The following HTRA1 variants were observed in gnomAD, a reference collection of about 807,000 sequenced individuals.
HTRA1 encodes the protein serine protease HTRA1.
Under a neutral mutation model 49.7 loss-of-function variants are expected in HTRA1, and 26 were observed. The ratio of observed to expected loss-of-function variants is 0.52; its 90% CI spans 0.38 to 0.73. The LOEUF is 0.73. Among genes scored for constraint, HTRA1 ranks in the 30% least tolerant of loss-of-function variants. HTRA1 has a pLI of 0.00. For synonymous variants in HTRA1, 291 were observed against 286.9 expected (o/e 1.01, Z -0.14); for missense variants, 561 against 667.2 (o/e 0.84, Z 1.75).
intron 1 of HTRA1, among the ~76,000 whole-genome samples, chr10:122,473,017 C>T (rs908298409): frequency 1.3e-5 from 2 of 152,202 alleles, no homozygotes; most frequent in African/African-American, 4.8e-5. Context: ...ATCAATCCTT[C>T]AGGAATAATG....
At chr10:122,488,498 G>T (rs1264065967) in intron 1 of HTRA1, among the ~76,000 whole-genome samples, 6 of 152,142 alleles carry the variant, frequency 3.9e-5, no homozygotes, top group Admixed American at 1.3e-4. Context: ...AGAGGTGGAG[G>T]TTGTGATGAG....
chr10:122,501,176 G>A (rs377716288), intron 3 of HTRA1, among the ~76,000 whole-genome samples: 105 of 152,280 alleles, frequency 6.9e-4, no homozygotes, highest in Middle Eastern at 3.4e-3. Flanking sequence ...GTGGTGGGTC[G>A]TGAAGGCTGC....
chr10:122,506,917 G>A lies in HTRA1; in HGVS notation c.972+32G>A. On this transcript the variant is annotated intron_variant, in intron 4 of 8. Coordinates refer to ENST00000368984, the MANE Select transcript of HTRA1 (RefSeq NM_002775.5). This position sits in a 1 kb window ranked among gnomAD's most constrained non-coding sequence, Gnocchi z 5.2. ...CTCTGTCCCTCTGCGGGTGGGGATTGGGGCAGAGTTTTGCCAGGGGGAGAG... is the reference window on the plus strand; with the variant it reads ...CTCTGTCCCTCTGCGGGTGGGGATTAGGGCAGAGTTTTGCCAGGGGGAGAG... 1 of 1,600,424 alleles carries A rather than the reference G, an allele frequency of 6.2e-7. No individual in the cohort carries two copies. The highest frequency in any genetic ancestry group is 8.5e-7 in the Non-Finnish European group (1 of 1,169,706).
rs1046940817 is a variant in HTRA1 at position 122,506,140 on chromosome 10, C to T, written c.778-551C>T. ...CATCCCTGCCCCTGACCAGTGTGGCCCTGTACTCAGCATAGGCGTGCACCT... is the reference window on the plus strand; with the variant it reads ...CATCCCTGCCCCTGACCAGTGTGGCTCTGTACTCAGCATAGGCGTGCACCT... On this transcript the variant is annotated intron_variant, in intron 3 of 8. Transcript: ENST00000368984. This position sits in a 1 kb window ranked among gnomAD's most constrained non-coding sequence, Gnocchi z 5.2. 7.6e-5 allele frequency among the ~76,000 whole-genome samples: 6 copies of T among 79,314 alleles called. No individual in the cohort carries two copies. The highest frequency in any genetic ancestry group is 1.4e-4 in the Admixed American group (1 of 7,200). The allele number at this position is 79,314 out of a possible 152,430, so 52.0% of individuals were successfully genotyped here.
At chr10:122,507,324 A>T (rs1213767051) in intron 4 of HTRA1, 46 bp from the exon 5 acceptor site, 7 of 1,551,154 alleles carry the variant, frequency 4.5e-6, no homozygotes, top group Non-Finnish European at 6.2e-6. Context: ...AGATTGAACC[A>T]TGTTATGACA....
chr10:122,509,379 A>C (rs1474382239), intron 6 of HTRA1, among the ~76,000 whole-genome samples: 1 of 152,202 alleles, frequency 6.6e-6, no homozygotes, highest in Non-Finnish European at 1.5e-5. Flanking sequence ...TGTGGCCAGG[A>C]AATGCCTTCC....
intron 1 of HTRA1, among the ~76,000 whole-genome samples, chr10:122,476,209 G>A (rs1339101237): frequency 1.3e-5 from 2 of 152,194 alleles, no homozygotes; most frequent in African/African-American, 2.4e-5. Flanking sequence ...GCAGTTCACG[G>A]CTCAGTTAAA....
chr10:122,510,104 A>G lies in HTRA1; in HGVS notation c.1129A>G (p.Ile377Val). Residue 377 changes from isoleucine (I) to valine (V), a missense_variant, in exon 7 of 9, where the codon ATC (isoleucine) becomes GTC (valine). By Grantham distance (29) the Ile-to-Val change is conservative (BLOSUM62 3). Around this residue, in one of 3 missense-constraint regions of HTRA1, gnomAD observed 179 missense variants for 173.4 expected, o/e 1.03. Coordinates refer to ENST00000368984, the MANE Select transcript of HTRA1 (RefSeq NM_002775.5). ...SHDRQAKGKA[I>V]TKKKYIGIRM... ...CTTTGTTGTCTCACCAGGAAAAGCC[A>G]TCACCAAGAAGAAGTATATTGGTAT... 1 of 1,614,046 alleles carries G rather than the reference A, an allele frequency of 6.2e-7. No individual in the cohort carries two copies. The highest frequency in any genetic ancestry group is 1.7e-5 in the Admixed American group (1 of 60,024).
In HTRA1 at chr10:122,486,739, C is replaced by A. The variant is rs535024470; in HGVS notation, c.473-2163C>A. ...GTTGCCACTCTAGTGATGAGAGAGG[C>A]GTGTGTGTGTGTGTGTGTATGCGTC... On this transcript the variant is annotated intron_variant, in intron 1 of 8. Coordinates refer to ENST00000368984, the MANE Select transcript of HTRA1 (RefSeq NM_002775.5). 6.7e-5 allele frequency among the ~76,000 whole-genome samples: 10 copies of A among 150,072 alleles called. No individual in the cohort carries two copies. In the East Asian group the frequency reaches 1.6e-3, roughly 23 times the overall value.
chr10:122,513,044 A>C (rs1353109257), intron 8 of HTRA1, among the ~76,000 whole-genome samples: 1 of 152,238 alleles, frequency 6.6e-6, no homozygotes, highest in Admixed American at 6.5e-5. Flanking sequence ...GGTTTATGAC[A>C]TCTATGGTGG....
chr10:122,466,941 G>C (rs955767253), intron 1 of HTRA1, among the ~76,000 whole-genome samples: 17 of 150,764 alleles, frequency 1.1e-4, no homozygotes, highest in Admixed American at 2.6e-4. Flanking sequence ...ATAAAATTAG[G>C]AAGTTAACAA....
chr10:122,477,624 C>T (rs1355579508), intron 1 of HTRA1, among the ~76,000 whole-genome samples: 5 of 152,326 alleles, frequency 3.3e-5, no homozygotes, highest in Admixed American at 6.5e-5. Context: ...CAGTTTCTGA[C>T]TGGTGTCTAG....
chr10:122,492,370 G>A (rs1272848241), intron 3 of HTRA1, among the ~76,000 whole-genome samples: 1 of 152,146 alleles, frequency 6.6e-6, no homozygotes, highest in Admixed American at 6.5e-5. Context: ...GAGTTTTACT[G>A]TTGCCCAGGC....
intron 1 of HTRA1, among the ~76,000 whole-genome samples, chr10:122,469,889 T>C (rs900571304): frequency 6.6e-6 from 1 of 152,366 alleles, no homozygotes; most frequent in Admixed American, 6.5e-5. Context: ...TTTCCAGCTA[T>C]CTTTCTGTTA....
intron 3 of HTRA1, among the ~76,000 whole-genome samples, chr10:122,499,293 C>T (rs1381645273): frequency 6.6e-6 from 1 of 152,164 alleles, no homozygotes; most frequent in Non-Finnish European, 1.5e-5. Context: ...CCTCCAGTGT[C>T]TGCGCTCACT....
intron 1 of HTRA1, among the ~76,000 whole-genome samples, chr10:122,486,904 G>A (rs991697892): frequency 6.6e-6 from 1 of 151,958 alleles, no homozygotes; most frequent in Admixed American, 6.6e-5. Context: ...GTGTGGGTGT[G>A]TTTATGCATG....
intron 1 of HTRA1, among the ~76,000 whole-genome samples, chr10:122,472,560 T>C (rs1453922115): frequency 6.6e-6 from 1 of 151,990 alleles, no homozygotes; most frequent in Non-Finnish European, 1.5e-5. Flanking sequence ...CACACCCAGC[T>C]ACCTTTTATA....
chr10:122,505,524 C>T (rs1031665858), intron 3 of HTRA1, among the ~76,000 whole-genome samples: 4 of 152,136 alleles, frequency 2.6e-5, no homozygotes, highest in African/African-American at 9.7e-5. Context: ...CTTGGACCCT[C>T]AGTTTCCTCA....
Position 122,489,049 on chromosome 10 carries a change from C to T in HTRA1, c.572+48C>T, listed in dbSNP as rs377503812. 2.3e-6 allele frequency: 3 copies of T among 1,311,806 alleles called. No individual in the cohort carries two copies. In the African/African-American group the frequency reaches 4.3e-5, roughly 19 times the overall value. 81.3% of individuals were successfully genotyped at this position (1,311,806 alleles called of 1,614,324 possible). On this transcript the variant is annotated intron_variant, in intron 2 of 8. Transcript: ENST00000368984. ...CTATAACCTCCGAAGCTTTCACCGC[C>T]ACTAGCAAAACATGAGAGCTATTTT...
Sources: gnomAD v4.1 joint callset for allele counts (sites outside exome capture counted in the v4.1 genomes callset) on GRCh38, gnomAD v4.1.1 for gene constraint, gnomAD v4.1.1 regional missense constraint, Gnocchi (gnomAD v3.1) non-coding constraint, MANE v1.5 for transcripts, NCBI Gene and HGNC (gene_info 2026-07-23, HGNC 2026-07-21) for gene names.